The following EDEM3 variants were observed in gnomAD, a reference collection of about 807,000 sequenced individuals.
The protein encoded by EDEM3 is ER degradation-enhancing alpha-mannosidase-like protein 3.
Under a neutral mutation model 110.2 loss-of-function variants are expected in EDEM3, and 60 were observed. That is an observed-to-expected ratio of 0.54 (90% CI 0.44 to 0.67). The LOEUF is 0.67. EDEM3 is among the 30% of genes least tolerant of loss of function. EDEM3 has a pLI of 0.00. For synonymous variants in EDEM3, 352 were observed against 382.9 expected (o/e 0.92, Z 0.94); for missense variants, 996 against 1,121.0 (o/e 0.89, Z 1.59).
In EDEM3 at chr1:184,711,755, C is replaced by A; in HGVS notation, c.1659G>T (p.Val553=). 6.2e-7 allele frequency: 1 copy of A among 1,612,632 alleles called. No homozygotes were observed. Among genetic ancestry groups the A allele is most frequent in the South Asian group, 1.1e-5 (1 of 90,852 alleles). ...QSIREPLKNV[V]DKSCPRGIIR... ...TGATGCCTCTAGGACAGCTCTTATC[C>A]ACCACATTTTTCAAGGGCTCACGAA... Residue 553 remains valine, a synonymous_variant, in exon 15 of 20, where the codon GTG becomes GTT. Coordinates refer to ENST00000318130, the MANE Select transcript of EDEM3 (RefSeq NM_025191.4).
intron 2 of EDEM3, among the ~76,000 whole-genome samples, chr1:184,746,140 A>T (rs1012189166): frequency 6.6e-6 from 1 of 152,232 alleles, no homozygotes; most frequent in Non-Finnish European, 1.5e-5. Context: ...TGTCAAACAT[A>T]GTCGTTATTA....
At chr1:184,748,098 G>A (rs1333612650) in intron 2 of EDEM3, among the ~76,000 whole-genome samples, 1 of 151,950 alleles carries the variant, frequency 6.6e-6, no homozygotes, top group East Asian at 1.9e-4. Context: ...AATTAACCAG[G>A]GATAAATGAT....
At chr1:184,751,011 T>C (rs940749904) in intron 1 of EDEM3, among the ~76,000 whole-genome samples, 2 of 150,556 alleles carry the variant, frequency 1.3e-5, no homozygotes, top group African/African-American at 4.8e-5. Context: ...ATCCTGACTA[T>C]GAACACCAAC....
At chr1:184,699,402 A>G (rs1316956732) in intron 19 of EDEM3, among the ~76,000 whole-genome samples, 1 of 151,880 alleles carries the variant, frequency 6.6e-6, no homozygotes, top group Non-Finnish European at 1.5e-5. Context: ...ATTGATAGGG[A>G]ACTTCCAGAA....
At chr1:184,729,504 C>T (rs1651378618) in intron 6 of EDEM3, among the ~76,000 whole-genome samples, 1 of 152,120 alleles carries the variant, frequency 6.6e-6, no homozygotes. Context: ...TTACAAAGTA[C>T]GTACTAGCTC....
Position 184,754,532 on chromosome 1 carries a change from CCGT to C in EDEM3, c.112_114del (p.Thr38del). ...TCCCTACTCATGGGCTCGGCCCCCG[CCGT>C]CCACACGGAGGTGGCCGACACCAGG... On this transcript the variant is annotated inframe_deletion, in exon 1 of 20. Transcript: ENST00000318130. 1.2e-6 allele frequency: 2 copies of C among 1,613,264 alleles called. No individual in the cohort carries two copies. Among genetic ancestry groups the C allele is most frequent in the Non-Finnish European group, 1.7e-6 (2 of 1,179,826 alleles).
intron 7 of EDEM3, 120 bp from the exon 8 acceptor site, chr1:184,723,976 T>C (rs1464535928): frequency 1.4e-6 from 1 of 702,856 alleles, no homozygotes; most frequent in Non-Finnish European, 2.2e-6. Context: ...AAGAATTAGG[T>C]TAAATTTCTA....
intron 3 of EDEM3, 83 bp from the exon 4 acceptor site, chr1:184,737,147 A>C (rs1558066758): frequency 8.6e-7 from 1 of 1,162,176 alleles, no homozygotes; most frequent in South Asian, 1.3e-5. Flanking sequence ...TCTACATTCT[A>C]TTGACTGGTA....
intron 11 of EDEM3, 57 bp downstream of exon 11, chr1:184,719,103 CGT>C (rs111917956): frequency 0.041 from 30,011 of 739,358 alleles, 6 homozygotes; most frequent in South Asian, 0.061. Context: ...TATATGTGTA[CGT>C]GTGTGTGTGT....
chr1:184,741,493 G>C (rs1465280832), intron 2 of EDEM3, among the ~76,000 whole-genome samples: 1 of 151,982 alleles, frequency 6.6e-6, no homozygotes, highest in Admixed American at 6.6e-5. Context: ...GTAAATAATA[G>C]TTTTGCTATT....
chr1:184,702,131 G>T (rs1375279348), intron 19 of EDEM3, among the ~76,000 whole-genome samples: 1 of 152,118 alleles, frequency 6.6e-6, no homozygotes, highest in Non-Finnish European at 1.5e-5. Flanking sequence ...CTATCCCTGG[G>T]TGTGAAACTA....
chr1:184,721,520 C>T, intron 8 of EDEM3, 134 bp from the exon 9 acceptor site: 1 of 511,188 alleles, frequency 2.0e-6, no homozygotes. Context: ...TAGATTTGCC[C>T]TGGAACAGAT....
intron 1 of EDEM3, 113 bp from the exon 2 acceptor site, chr1:184,749,705 A>G: frequency 1.1e-6 from 1 of 894,060 alleles, no homozygotes; most frequent in African/African-American, 1.7e-5. Context: ...AATAAAAACA[A>G]AAGAAAAATT....
intron 2 of EDEM3, among the ~76,000 whole-genome samples, chr1:184,738,690 T>C (rs897670990): frequency 6.6e-6 from 1 of 152,230 alleles, no homozygotes; most frequent in African/African-American, 2.4e-5. Flanking sequence ...AGGTAAAAGA[T>C]GGTATCTAAA....
intron 7 of EDEM3, among the ~76,000 whole-genome samples, chr1:184,724,500 T>G (rs563190544): frequency 6.6e-6 from 1 of 152,260 alleles, no homozygotes; most frequent in African/African-American, 2.4e-5. Context: ...TGAACAAATT[T>G]TTGGCTTTGG....
chr1:184,754,001 T>C (rs56741490), intron 1 of EDEM3, among the ~76,000 whole-genome samples: 10,911 of 152,288 alleles, frequency 0.072, 450 homozygotes, highest in African/African-American at 0.12. Flanking sequence ...TGCAAGGAAA[T>C]AGTAAAATGT....
chr1:184,754,398 G>C, intron 1 of EDEM3, 91 bp downstream of exon 1: 12 of 1,573,566 alleles, frequency 7.6e-6, no homozygotes, highest in Non-Finnish European at 1.0e-5. Flanking sequence ...CGCGACAGGA[G>C]AGGCCACTAC....
At chr1:184,726,965 T>C (rs1322549676) in intron 6 of EDEM3, among the ~76,000 whole-genome samples, 1 of 152,142 alleles carries the variant, frequency 6.6e-6, no homozygotes, top group Non-Finnish European at 1.5e-5. Flanking sequence ...CAAGGGAAAT[T>C]TTTTCAAAGG....
intron 1 of EDEM3, among the ~76,000 whole-genome samples, chr1:184,753,148 C>A (rs1285446594): frequency 1.3e-5 from 2 of 152,072 alleles, no homozygotes; most frequent in East Asian, 3.8e-4. Context: ...TCCACCACCC[C>A]TCCAGCCTAA....
Sources: allele counts gnomAD v4.1 joint callset (sites outside exome capture counted in the v4.1 genomes callset), GRCh38; gene constraint gnomAD v4.1.1; transcripts MANE v1.5; gene names NCBI Gene and HGNC (gene_info 2026-07-23, HGNC 2026-07-21).